BICD1: variants seen among roughly 807,000 people sequenced by gnomAD.
BICD1 encodes BICD cargo adaptor 1, also known as protein bicaudal D homolog 1.
Under a neutral mutation model 92.5 loss-of-function variants are expected in BICD1, and 35 were observed. That is an observed-to-expected ratio of 0.38 (90% CI 0.29 to 0.50). BICD1 has a LOEUF of 0.50. Among genes scored for constraint, BICD1 ranks in the 20% least tolerant of loss-of-function variants. BICD1 has a pLI of 0.93. For missense variants in BICD1, 950 were observed against 1,189.8 expected, an observed-to-expected ratio of 0.80 and a Z score of 2.97; for synonymous variants, 429 against 465.1, an observed-to-expected ratio of 0.92 and a Z score of 1.00.
intron 1 of BICD1, among the ~76,000 whole-genome samples, chr12:32,146,877 C>T (rs1197383435): frequency 7.5e-6 from 1 of 133,250 alleles, no homozygotes; most frequent in Non-Finnish European, 1.5e-5. Context: ...TCCTCTTCTT[C>T]TTCCTCCTCC....
intron 1 of BICD1, among the ~76,000 whole-genome samples, chr12:32,187,298 T>G (rs748885667): frequency 3.4e-4 from 52 of 152,220 alleles, no homozygotes; most frequent in Non-Finnish European, 6.9e-4. Flanking sequence ...AACAGTTGTC[T>G]TATTAAAACA....
chr12:32,346,595 TATATATATATATATATAC>T (rs2136296436), intron 8 of BICD1, among the ~76,000 whole-genome samples: 1 of 17,762 alleles, frequency 5.6e-5, no homozygotes, highest in South Asian at 3.9e-3. Flanking sequence ...TGTATATATA[TATATATATATATATATAC>T]GTGTATATAT....
At chr12:32,308,837 A>G (rs1002131866) in intron 4 of BICD1, among the ~76,000 whole-genome samples, 2 of 152,194 alleles carry the variant, frequency 1.3e-5, no homozygotes, top group Non-Finnish European at 2.9e-5. Flanking sequence ...GACAGTTTGC[A>G]AAGATGTAGA....
At chr12:32,219,247 T>C (rs1945443657) in intron 2 of BICD1, among the ~76,000 whole-genome samples, 1 of 152,204 alleles carries the variant, frequency 6.6e-6, no homozygotes, top group Non-Finnish European at 1.5e-5. Flanking sequence ...AGTAGGATTG[T>C]TGGTCCTGGC....
chr12:32,158,397 C>T (rs982067114), intron 1 of BICD1, among the ~76,000 whole-genome samples: 2 of 152,100 alleles, frequency 1.3e-5, no homozygotes, highest in South Asian at 2.1e-4. Context: ...CGTGAGCCAC[C>T]GTGCCTGGCC....
At chr12:32,155,221 A>G (rs1943404045) in intron 1 of BICD1, among the ~76,000 whole-genome samples, 1 of 152,206 alleles carries the variant, frequency 6.6e-6, no homozygotes, top group East Asian at 1.9e-4. Flanking sequence ...GCATTATTTC[A>G]ACGGCACAAG....
chr12:32,378,716 G>A lies in BICD1; in HGVS notation c.*1089G>A, dbSNP rs1480157507. ...GTTCAAAGTTTGATTAAAATTGTATGTTTTGTTGTTGTTAGTTTTTTTCAT... is the reference window on the plus strand; with the variant it reads ...GTTCAAAGTTTGATTAAAATTGTATATTTTGTTGTTGTTAGTTTTTTTCAT... On this transcript the variant is annotated 3_prime_UTR_variant, in exon 10 of 10. Coordinates refer to ENST00000652176, the MANE Select transcript of BICD1 (RefSeq NM_001714.4). 4 of 151,406 alleles carry A rather than the reference G, an allele frequency of 2.6e-5. No individual in the cohort carries two copies. Among genetic ancestry groups the A allele is most frequent in the Non-Finnish European group, 4.4e-5 (3 of 68,008 alleles). The allele number at this position is 151,406 out of a possible 1,614,324, so 9.4% of individuals were successfully genotyped here.
intron 1 of BICD1, among the ~76,000 whole-genome samples, chr12:32,209,101 G>A (rs527949401): frequency 7.2e-5 from 11 of 152,124 alleles, no homozygotes; most frequent in African/African-American, 2.7e-4. Flanking sequence ...GATTACAGAC[G>A]TGAGCCACCG....
intron 6 of BICD1, among the ~76,000 whole-genome samples, chr12:32,335,031 C>A (rs1248070051): frequency 6.6e-6 from 1 of 152,120 alleles, no homozygotes; most frequent in East Asian, 1.9e-4. Flanking sequence ...ATTATCACCT[C>A]TGAAATAGAG....
chr12:32,285,665 A>G (rs180836432), intron 2 of BICD1, among the ~76,000 whole-genome samples: 4 of 152,306 alleles, frequency 2.6e-5, no homozygotes, highest in Admixed American at 2.6e-4. Flanking sequence ...TATCCCTGCC[A>G]TCTCAGGCTA....
At chr12:32,298,439 C>G (rs1169085401) in intron 3 of BICD1, among the ~76,000 whole-genome samples, 1 of 151,642 alleles carries the variant, frequency 6.6e-6, no homozygotes, top group Non-Finnish European at 1.5e-5. Context: ...GTGACAGGTG[C>G]CTGTAGTCCT....
At chr12:32,323,165 A>G (rs991301741) in intron 4 of BICD1, among the ~76,000 whole-genome samples, 5 of 152,232 alleles carry the variant, frequency 3.3e-5, no homozygotes, top group Admixed American at 6.5e-5. Context: ...AGTCTGGGTA[A>G]GCAAATTCAT....
chr12:32,362,435 A>G (rs997060812), intron 8 of BICD1, among the ~76,000 whole-genome samples: 13 of 152,232 alleles, frequency 8.5e-5, no homozygotes, highest in African/African-American at 2.9e-4. Flanking sequence ...GCCCGAGAGA[A>G]AGCCACACAG....
At chr12:32,352,807 G>C (rs1938948007) in intron 8 of BICD1, 1 of 152,242 alleles carries the variant, frequency 6.6e-6, no homozygotes, top group Admixed American at 6.5e-5. Flanking sequence ...CTGGGAGTTA[G>C]AGGCTGCAGT....
At chr12:32,338,555 G>A (rs1388382114) in intron 7 of BICD1, 6 of 395,284 alleles carry the variant, frequency 1.5e-5, no homozygotes, top group Non-Finnish European at 2.2e-5. Context: ...TTCTATTTGC[G>A]GTTCAAGCTG....
At chr12:32,150,098 T>TGA (rs1327778081) in intron 1 of BICD1, among the ~76,000 whole-genome samples, 4 of 152,150 alleles carry the variant, frequency 2.6e-5, no homozygotes, top group Admixed American at 2.0e-4. Context: ...TCATGAGACT[T>TGA]ACTCACTATC....
rs538724115 is a variant in BICD1, at chr12:32,159,731, A to G, written c.213+52187A>G. Reference sequence around the variant, plus strand: ...CCAAGCCAGAGTCATCATGTTGACCATCCTCCTGAACTGGGGCTCTGGTTG... The same window carrying G: ...CCAAGCCAGAGTCATCATGTTGACCGTCCTCCTGAACTGGGGCTCTGGTTG... On this transcript the variant is annotated intron_variant, in intron 1 of 9. Transcript: ENST00000652176. 8.1e-4 allele frequency among the ~76,000 whole-genome samples: 123 copies of G among 152,306 alleles called. 4 individuals are homozygous for G. The South Asian group carries it at 0.024, about 30-fold the overall frequency.
intron 2 of BICD1, among the ~76,000 whole-genome samples, chr12:32,221,356 A>AAAAT (rs1555150050): frequency 0.097 from 14,524 of 149,792 alleles, 875 homozygotes; most frequent in Middle Eastern, 0.17. Context: ...AAAAAATAAA[A>AAAAT]AAATAAATAA....
chr12:32,133,206 G>A (rs902197716), intron 1 of BICD1, among the ~76,000 whole-genome samples: 5 of 152,042 alleles, frequency 3.3e-5, no homozygotes, highest in Admixed American at 3.3e-4. Context: ...TGAGTCTCCT[G>A]GCCAGGCGGG....
Sources: allele counts gnomAD v4.1 joint callset (sites outside exome capture counted in the v4.1 genomes callset), GRCh38; gene constraint gnomAD v4.1.1; transcripts MANE v1.5; gene names NCBI Gene and HGNC (gene_info 2026-07-23, HGNC 2026-07-21).